Variants in VPS37A observed in about 807,000 individuals in gnomAD.
The protein encoded by VPS37A is VPS37A subunit of ESCRT-I.
In VPS37A, 30 loss-of-function variants were observed where a neutral mutation model predicts 49.8. The observed-to-expected ratio is 0.60, with a 90% confidence interval of 0.45 to 0.82. The LOEUF (loss-of-function observed/expected upper bound fraction) is 0.82, where lower values mean the gene tolerates loss of function less well. VPS37A is among the 40% of genes least tolerant of loss of function. The pLI, the probability that VPS37A is intolerant of heterozygous loss-of-function variation, is 0.00. For missense variants in VPS37A, 593 were observed against 464.4 expected (o/e 1.28, Z -2.55); for synonymous variants, 195 against 160.6 (o/e 1.21, Z -1.62).
intron 4 of VPS37A, among the ~76,000 whole-genome samples, chr8:17,273,309 C>A (rs1271629961): frequency 6.6e-6 from 1 of 151,992 alleles, no homozygotes; most frequent in African/African-American, 2.4e-5. Context: ...TGGATAAATT[C>A]TAGAAGTGTA....
At chr8:17,298,400 A>G (rs1481616027), downstream of VPS37A, 2 of 152,134 alleles carry the variant, frequency 1.3e-5, no homozygotes. Flanking sequence ...AATATATTCT[A>G]TATTTTTAAA....
chr8:17,316,425 C>A, the VPS37A span, among the ~76,000 whole-genome samples: 1 of 150,504 alleles, frequency 6.6e-6, no homozygotes, highest in African/African-American at 2.5e-5. Context: ...CTACTGTTGA[C>A]AGTTGTTCCC....
chr8:17,254,496 C>A lies in VPS37A; in HGVS notation c.125+7127C>A, dbSNP rs185297444. Among the ~76,000 whole-genome samples, 90 of 152,330 alleles carry A rather than the reference C, an allele frequency of 5.9e-4. 1 individual carries two copies. The South Asian group carries it at 0.012, about 20-fold the overall frequency. On this transcript the variant is annotated intron_variant, in intron 1 of 11. Transcript: ENST00000324849. ...AATTACTCTGAGAAATGCTCCTGAC[C>A]TGCCTTCTTCCCCCCAAACTCTTAG...
the VPS37A span, among the ~76,000 whole-genome samples, chr8:17,323,522 G>A: frequency 6.6e-6 from 1 of 152,078 alleles, no homozygotes; most frequent in South Asian, 2.1e-4. Flanking sequence ...TTGAGAGGCT[G>A]GAAAGTCCGG....
chr8:17,253,236 C>A (rs571277850), intron 1 of VPS37A, among the ~76,000 whole-genome samples: 6 of 152,200 alleles, frequency 3.9e-5, no homozygotes, highest in Admixed American at 3.9e-4. Flanking sequence ...TCACCTAAGC[C>A]GAAAACCTGT....
intron 1 of VPS37A, among the ~76,000 whole-genome samples, chr8:17,250,737 T>A (rs1811901816): frequency 6.6e-6 from 1 of 152,186 alleles, no homozygotes; most frequent in African/African-American, 2.4e-5. Context: ...TTGCCTTAAA[T>A]TCTTATCTCC....
chr8:17,319,051 C>A, the VPS37A span, among the ~76,000 whole-genome samples: 16,991 of 152,216 alleles, frequency 0.11, 1,289 homozygotes, highest in Non-Finnish European at 0.17. Flanking sequence ...AGGAGGGCCT[C>A]CTTGTTTAAC....
At chr8:17,255,846 A>T (rs181519250) in intron 1 of VPS37A, among the ~76,000 whole-genome samples, 8 of 152,248 alleles carry the variant, frequency 5.3e-5, no homozygotes, top group Admixed American at 5.2e-4. Flanking sequence ...AGTTCCACTC[A>T]TGTTGCTGTA....
chr8:17,272,408 C>T (rs1240673250), intron 4 of VPS37A, among the ~76,000 whole-genome samples: 1 of 152,100 alleles, frequency 6.6e-6, no homozygotes, highest in Non-Finnish European at 1.5e-5. Flanking sequence ...TATTCAAAAC[C>T]CATACCTCTA....
At chr8:17,333,212 C>T in the VPS37A span, among the ~76,000 whole-genome samples, 2 of 151,920 alleles carry the variant, frequency 1.3e-5, no homozygotes, top group Non-Finnish European at 2.9e-5. Flanking sequence ...AGGCATGCTA[C>T]GAGAATAAAG....
Position 17,280,024 on chromosome 8 carries a change from C to G in VPS37A, c.714-4C>G. 6.2e-7 allele frequency: 1 copy of G among 1,609,372 alleles called. No homozygotes were observed. Among genetic ancestry groups the G allele is most frequent in the South Asian group, 1.1e-5 (1 of 90,132 alleles). ...TATTGACATTTTTTCTTTTGTGTTTCTAGTGTGTCACAACTCACAGATATG... is the reference window on the plus strand; with the variant it reads ...TATTGACATTTTTTCTTTTGTGTTTGTAGTGTGTCACAACTCACAGATATG... On this transcript the variant is annotated splice_polypyrimidine_tract_variant and splice_region_variant and intron_variant, in intron 6 of 11. Coordinates refer to ENST00000324849, the MANE Select transcript of VPS37A (RefSeq NM_152415.3).
At chr8:17,255,626 A>G (rs888738359) in intron 1 of VPS37A, among the ~76,000 whole-genome samples, 1 of 152,232 alleles carries the variant, frequency 6.6e-6, no homozygotes, top group African/African-American at 2.4e-5. Context: ...AAATTGATAC[A>G]TGATAGCTGT....
the VPS37A span, among the ~76,000 whole-genome samples, chr8:17,308,693 G>A: frequency 6.6e-6 from 1 of 152,158 alleles, no homozygotes; most frequent in Admixed American, 6.5e-5. Flanking sequence ...AAGGAGGCTG[G>A]TGACTCCCAA....
intron 4 of VPS37A, among the ~76,000 whole-genome samples, chr8:17,271,674 C>CA (rs149099163): frequency 0.074 from 11,191 of 152,168 alleles, 685 homozygotes; most frequent in African/African-American, 0.17. Context: ...AAGCAACACC[C>CA]ACTAAGCTCC....
Position 17,262,573 on chromosome 8 carries a change from A to ATGTGTGTG in VPS37A, c.126-3314_126-3307dup, listed in dbSNP as rs139230717. Among the ~76,000 whole-genome samples, 7 of 147,458 alleles carry ATGTGTGTG rather than the reference A, an allele frequency of 4.7e-5. No homozygotes were observed. The East Asian group carries it at 1.0e-3, about 21-fold the overall frequency. On this transcript the variant is annotated intron_variant, in intron 1 of 11. Transcript: ENST00000324849. Reference sequence around the variant, plus strand: ...TGTGATTAAAATATTACTTTAAAGTATGTGTGTGTGTGTGTGTGTGTGTGT... The same window carrying ATGTGTGTG: ...TGTGATTAAAATATTACTTTAAAGTATGTGTGTGTGTGTGTGTGTGTGTGTGTGTGTGT...
downstream of VPS37A, chr8:17,304,251 C>T (rs1817307718): frequency 4.0e-6 from 4 of 994,578 alleles, no homozygotes; most frequent in Admixed American, 1.0e-4. Flanking sequence ...CAAGCATCTC[C>T]CTCTGGTGTC....
rs746716586 is a variant in VPS37A, at chr8:17,268,337, C to G, written c.280C>G (p.Gln94Glu). The G allele has an allele frequency of 1.9e-6, 3 of 1,613,186 alleles. No individual in the cohort carries two copies. In the South Asian group the frequency reaches 3.3e-5, roughly 18 times the overall value. The change falls in exon 3 of 12, where the codon CAA (glutamine) becomes GAA (glutamate). Residue 94 changes from glutamine (Q) to glutamate (E), a missense_variant. Coordinates refer to ENST00000324849, the MANE Select transcript of VPS37A (RefSeq NM_152415.3). ...PPIRHHLMDK[Q>E]GVYVTSPLVN... ...AATACGACATCACTTAATGGATAAA[C>G]AAGGAGTGTATGTTACCTCTCCATT...
chr8:17,295,727 T>C lies in VPS37A; in HGVS notation c.*741T>C, dbSNP rs1816570177. On this transcript the variant is annotated 3_prime_UTR_variant, in exon 12 of 12. Coordinates refer to ENST00000324849, the MANE Select transcript of VPS37A (RefSeq NM_152415.3). Reference sequence around the variant, plus strand: ...ATATATATATCTGGTAGGTTTGTGGTTGGATAGGTTTTCTAAATTCCTAAT... The same window carrying C: ...ATATATATATCTGGTAGGTTTGTGGCTGGATAGGTTTTCTAAATTCCTAAT... The C allele has an allele frequency of 6.6e-6, 1 of 152,266 alleles. No homozygotes were observed. Among genetic ancestry groups the C allele is most frequent in the African/African-American group, 2.4e-5 (1 of 41,444 alleles). 9.4% of individuals were successfully genotyped at this position (152,266 alleles called of 1,614,324 possible). A position where few individuals can be genotyped will look rare whatever the true frequency, so the allele number is the denominator to read the frequency against.
chr8:17,277,901 C>G (rs1057376185), intron 6 of VPS37A, among the ~76,000 whole-genome samples: 14 of 147,520 alleles, frequency 9.5e-5, no homozygotes, highest in African/African-American at 3.1e-4. Context: ...CACACACACA[C>G]AGACATATAC....
Sources: allele counts gnomAD v4.1 joint callset (sites outside exome capture counted in the v4.1 genomes callset), GRCh38; gene constraint gnomAD v4.1.1; transcripts MANE v1.5; gene names NCBI Gene and HGNC (gene_info 2026-07-23, HGNC 2026-07-21).